Variants in DSCAM observed in about 807,000 individuals in gnomAD.
DSCAM encodes the protein DS cell adhesion molecule.
DSCAM carries 47 observed loss-of-function variants against 217.7 expected under a neutral mutation model. The observed-to-expected ratio is 0.22, with a 90% CI of 0.17 to 0.28. The LOEUF is 0.28. Among genes scored for constraint, DSCAM ranks in the 10% least tolerant of loss-of-function variants. DSCAM has a pLI of 1.00. For synonymous variants in DSCAM, 1,056 were observed against 1,015.3 expected, an observed-to-expected ratio of 1.04 and a Z score of -0.76; for missense variants, 2,080 against 2,618.3, an observed-to-expected ratio of 0.79 and a Z score of 4.49.
chr21:40,548,591 G>A (rs2076604054), intron 3 of DSCAM, among the ~76,000 whole-genome samples: 14 of 151,628 alleles, frequency 9.2e-5, no homozygotes. Flanking sequence ...GATCTCAATA[G>A]CACGTGCAAT....
intron 3 of DSCAM, chr21:40,618,676 G>T (rs562861212): frequency 7.4e-6 from 1 of 135,482 alleles, no homozygotes; most frequent in Admixed American, 7.1e-5. Flanking sequence ...AAAAAAAAAA[G>T]TGGAGAAACA....
At chr21:40,188,913 G>A in intron 12 of DSCAM, 129 bp downstream of exon 12, 1 of 915,286 alleles carries the variant, frequency 1.1e-6, no homozygotes, top group South Asian at 1.6e-5. Flanking sequence ...TGAAAGGGGA[G>A]AGAAATAGTG....
intron 19 of DSCAM, among the ~76,000 whole-genome samples, chr21:40,128,142 C>A (rs570869186): frequency 4.6e-5 from 7 of 150,824 alleles, no homozygotes; most frequent in Non-Finnish European, 1.0e-4. Flanking sequence ...GATCTATCAA[C>A]GTCTGTCTCC....
chr21:40,774,363 G>C (rs1201615903), intron 1 of DSCAM, among the ~76,000 whole-genome samples: 3 of 152,242 alleles, frequency 2.0e-5, no homozygotes, highest in African/African-American at 7.2e-5. Flanking sequence ...AGCTCCGTGG[G>C]TTGTACATGA....
intron 3 of DSCAM, among the ~76,000 whole-genome samples, chr21:40,615,090 G>A (rs969079082): frequency 6.6e-6 from 1 of 151,696 alleles, no homozygotes; most frequent in African/African-American, 2.4e-5. Flanking sequence ...GATCACCTAA[G>A]GTCAGAAGTT....
intron 3 of DSCAM, among the ~76,000 whole-genome samples, chr21:40,580,538 C>CAA (rs112266584): frequency 8.5e-5 from 12 of 141,846 alleles, no homozygotes; most frequent in African/African-American, 2.9e-4. Flanking sequence ...GACTCTGTCT[C>CAA]AAAAAAAAAC....
chr21:40,109,164 A>T (rs997589482), intron 20 of DSCAM, among the ~76,000 whole-genome samples: 2 of 152,250 alleles, frequency 1.3e-5, no homozygotes, highest in Non-Finnish European at 2.9e-5. Context: ...GATCAAGTAA[A>T]TGAAAGAGCT....
At chr21:40,020,176 A>G (rs748378505) in intron 32 of DSCAM, among the ~76,000 whole-genome samples, 3 of 152,144 alleles carry the variant, frequency 2.0e-5, no homozygotes, top group Non-Finnish European at 4.4e-5. Context: ...ATGGCTTTAT[A>G]AGGGGTTGCC....
intron 3 of DSCAM, among the ~76,000 whole-genome samples, chr21:40,534,918 T>C (rs1321461702): frequency 6.6e-6 from 1 of 152,178 alleles, no homozygotes; most frequent in Non-Finnish European, 1.5e-5. Flanking sequence ...ACTTACGTGG[T>C]ATCATCTAGT....
intron 32 of DSCAM, among the ~76,000 whole-genome samples, chr21:40,022,869 C>T (rs1335744725): frequency 6.6e-6 from 1 of 150,868 alleles, no homozygotes; most frequent in African/African-American, 2.4e-5. Flanking sequence ...GCAGTATTTT[C>T]TTTTCTTTTT....
At chr21:40,365,007 A>G (rs1207264738) in intron 4 of DSCAM, among the ~76,000 whole-genome samples, 2 of 150,542 alleles carry the variant, frequency 1.3e-5, no homozygotes, top group Non-Finnish European at 3.0e-5. Flanking sequence ...AAACATAATC[A>G]CTTTTCACTT....
Position 40,471,633 on chromosome 21 carries a change from C to T in DSCAM, c.509-102388G>A, listed in dbSNP as rs549390062. On this transcript the variant is annotated intron_variant, in intron 3 of 32. Coordinates refer to ENST00000400454, the MANE Select transcript of DSCAM (RefSeq NM_001389.5). ...TGTAAACCACCTGCCCAAGGACACG[C>T]AGCTGGAAAGTTCTGGAGCCAGCAC... 1.8e-4 allele frequency among the ~76,000 whole-genome samples: 28 copies of T among 152,292 alleles called. 1 individual carries two copies. In the South Asian group the frequency reaches 5.8e-3, roughly 32 times the overall value.
chr21:40,172,855 C>T (rs910614713), intron 15 of DSCAM, among the ~76,000 whole-genome samples: 2 of 152,176 alleles, frequency 1.3e-5, no homozygotes, highest in African/African-American at 4.8e-5. Context: ...ATTCTACAAA[C>T]ACACGTTTGT....
intron 1 of DSCAM, among the ~76,000 whole-genome samples, chr21:40,731,328 C>T (rs1331335245): frequency 6.6e-6 from 1 of 152,158 alleles, no homozygotes; most frequent in Admixed American, 6.5e-5. Flanking sequence ...CCAGGACAGA[C>T]ACTGCATGAT....
chr21:40,318,655 C>A (rs2074227058), intron 8 of DSCAM, among the ~76,000 whole-genome samples: 1 of 152,184 alleles, frequency 6.6e-6, no homozygotes, highest in Non-Finnish European at 1.5e-5. Flanking sequence ...GTGACTTAGG[C>A]TGCTGGTCCC....
chr21:40,482,635 T>C (rs1179285316), intron 3 of DSCAM, among the ~76,000 whole-genome samples: 1 of 152,182 alleles, frequency 6.6e-6, no homozygotes, highest in African/African-American at 2.4e-5. Flanking sequence ...CAAAAAGAAT[T>C]AGAGCAAAAG....
At chr21:40,637,390 T>TATAA (rs2089796377) in intron 3 of DSCAM, among the ~76,000 whole-genome samples, 2 of 21,534 alleles carry the variant, frequency 9.3e-5, no homozygotes, top group African/African-American at 1.9e-4. Context: ...TATAAATATA[T>TATAA]ATATAAATAT....
chr21:40,607,347 C>T lies in DSCAM; in HGVS notation c.508+85463G>A, dbSNP rs547783383. ...AAGAACATCATATATAAGAAATGTG[C>T]TTCAAGTTATTTGGATCCAAATTTC... On this transcript the variant is annotated intron_variant, in intron 3 of 32. Coordinates refer to ENST00000400454, the MANE Select transcript of DSCAM (RefSeq NM_001389.5). 1.3e-4 allele frequency among the ~76,000 whole-genome samples: 20 copies of T among 151,110 alleles called. 1 individual carries two copies. In the East Asian group the frequency reaches 3.7e-3, roughly 28 times the overall value.
At chr21:40,787,118 G>A (rs2091601064) in intron 1 of DSCAM, among the ~76,000 whole-genome samples, 1 of 152,192 alleles carries the variant, frequency 6.6e-6, no homozygotes, top group Non-Finnish European at 1.5e-5. Context: ...AATACAGGCT[G>A]GGAAAGTATT....
Sources: allele counts gnomAD v4.1 joint callset (sites outside exome capture counted in the v4.1 genomes callset), GRCh38; gene constraint gnomAD v4.1.1; transcripts MANE v1.5; gene names NCBI Gene and HGNC (gene_info 2026-07-23, HGNC 2026-07-21).